NXPE4: variants seen among roughly 807,000 people sequenced by gnomAD.
NXPE4 encodes neurexophilin and PC-esterase domain family member 4.
Under a neutral mutation model 33.3 loss-of-function variants are expected in NXPE4, and 42 were observed. The ratio of observed to expected loss-of-function variants is 1.26; its 90% CI spans 0.98 to 1.63. The LOEUF is 1.63. Ranked by LOEUF, NXPE4 falls within the 40% of genes most tolerant of loss-of-function variation. The pLI is 0.00. For synonymous variants in NXPE4, 253 were observed against 234.9 expected (o/e 1.08, Z -0.71); for missense variants, 709 against 647.6 (o/e 1.09, Z -1.03).
the NXPE4 span, among the ~76,000 whole-genome samples, chr11:114,673,167 T>C: frequency 6.7e-6 from 1 of 150,272 alleles, no homozygotes; most frequent in Non-Finnish European, 1.5e-5. Context: ...AAATTGGTAA[T>C]GAAAATAAAT....
At chr11:114,619,836 G>C in the NXPE4 span, among the ~76,000 whole-genome samples, 45 of 151,414 alleles carry the variant, frequency 3.0e-4, no homozygotes, top group South Asian at 1.5e-3. Flanking sequence ...GTGTTGCCTC[G>C]TTGGTAACCA....
At chr11:114,639,375 CTT>C in the NXPE4 span, among the ~76,000 whole-genome samples, 1 of 151,346 alleles carries the variant, frequency 6.6e-6, no homozygotes. Flanking sequence ...TCTGTTACCC[CTT>C]TCTTTGATTA....
the NXPE4 span, among the ~76,000 whole-genome samples, chr11:114,602,122 A>C: frequency 1.3e-4 from 13 of 101,964 alleles, no homozygotes; most frequent in Middle Eastern, 0.013. Flanking sequence ...ATAATTATAT[A>C]TATTATACAT....
intron 4 of NXPE4, among the ~76,000 whole-genome samples, chr11:114,580,568 T>C (rs1399397925): frequency 6.6e-6 from 1 of 152,158 alleles, no homozygotes; most frequent in Non-Finnish European, 1.5e-5. Flanking sequence ...TAAGAGTATA[T>C]GTTTCTTCCC....
intron 2 of NXPE4, among the ~76,000 whole-genome samples, chr11:114,590,350 A>G (rs185134115): frequency 6.6e-6 from 1 of 152,224 alleles, no homozygotes; most frequent in Non-Finnish European, 1.5e-5. Context: ...GGACCAGAGC[A>G]TTAGGGGAAG....
At chr11:114,638,448 G>C in the NXPE4 span, among the ~76,000 whole-genome samples, 2 of 151,982 alleles carry the variant, frequency 1.3e-5, no homozygotes, top group Admixed American at 1.3e-4. Context: ...ATTGTCTGAA[G>C]CCTTCTTCTC....
chr11:114,604,270 C>T, the NXPE4 span, among the ~76,000 whole-genome samples: 1 of 151,974 alleles, frequency 6.6e-6, no homozygotes, highest in South Asian at 2.1e-4. Flanking sequence ...CCAGTGTTAC[C>T]TGCTAGATAA....
At chr11:114,600,474 T>C (rs1414677684), upstream of NXPE4, among the ~76,000 whole-genome samples, 1 of 152,142 alleles carries the variant, frequency 6.6e-6, no homozygotes, top group Non-Finnish European at 1.5e-5. Flanking sequence ...GCACATCACG[T>C]CTATGGTATT....
chr11:114,574,813 A>G (rs1955103956), intron 5 of NXPE4, among the ~76,000 whole-genome samples: 1 of 152,140 alleles, frequency 6.6e-6, no homozygotes, highest in South Asian at 2.1e-4. Flanking sequence ...AGACAGAGAA[A>G]GAGGGAATCC....
the NXPE4 span, among the ~76,000 whole-genome samples, chr11:114,663,028 A>T: frequency 3.9e-5 from 6 of 152,252 alleles, no homozygotes; most frequent in East Asian, 9.7e-4. Flanking sequence ...TGTCTCTTAT[A>T]CGGCATTTCT....
At chr11:114,633,972 A>G in the NXPE4 span, among the ~76,000 whole-genome samples, 1 of 152,004 alleles carries the variant, frequency 6.6e-6, no homozygotes, top group East Asian at 1.9e-4. Context: ...CTTTGGGTAT[A>G]TACCCAGTAA....
chr11:114,669,125 C>T, the NXPE4 span, among the ~76,000 whole-genome samples: 1 of 151,966 alleles, frequency 6.6e-6, no homozygotes, highest in African/African-American at 2.4e-5. Flanking sequence ...TGACTTCCAG[C>T]AAAAATGTGA....
chr11:114,641,825 T>G, the NXPE4 span, among the ~76,000 whole-genome samples: 3 of 152,064 alleles, frequency 2.0e-5, 1 homozygote, highest in Non-Finnish European at 4.4e-5. Flanking sequence ...ATATCACATC[T>G]GACACCAGGA....
At chr11:114,663,984 A>G in the NXPE4 span, among the ~76,000 whole-genome samples, 4 of 152,164 alleles carry the variant, frequency 2.6e-5, no homozygotes, top group African/African-American at 7.2e-5. Context: ...AAACAGTTTG[A>G]CAGTTTCTTA....
At chr11:114,619,214 G>A in the NXPE4 span, among the ~76,000 whole-genome samples, 1 of 151,858 alleles carries the variant, frequency 6.6e-6, no homozygotes, top group South Asian at 2.1e-4. Flanking sequence ...TGCCTCTAGG[G>A]TAACCACTCT....
At chr11:114,639,171 G>A in the NXPE4 span, among the ~76,000 whole-genome samples, 8 of 152,080 alleles carry the variant, frequency 5.3e-5, no homozygotes, top group African/African-American at 1.9e-4. Flanking sequence ...CTGGGCAATG[G>A]TGGGCACCCC....
At chr11:114,581,600 C>A in intron 4 of NXPE4, 125 bp downstream of exon 4, 1 of 757,248 alleles carries the variant, frequency 1.3e-6, no homozygotes, top group South Asian at 1.7e-5. Context: ...TCTTGGCCAA[C>A]CTTAGATAAG....
the NXPE4 span, among the ~76,000 whole-genome samples, chr11:114,625,787 C>A: frequency 6.6e-6 from 1 of 152,070 alleles, no homozygotes; most frequent in Non-Finnish European, 1.5e-5. Flanking sequence ...TTAGGGAGTG[C>A]CAGACAGTGG....
At chr11:114,639,730 A>G in the NXPE4 span, among the ~76,000 whole-genome samples, 2 of 126,930 alleles carry the variant, frequency 1.6e-5, no homozygotes, top group African/African-American at 2.9e-5. Context: ...ATAGTAATAT[A>G]ATATAAAATA....
Sources: allele counts gnomAD v4.1 joint callset (sites outside exome capture counted in the v4.1 genomes callset), GRCh38; gene constraint gnomAD v4.1.1; transcripts MANE v1.5; gene names NCBI Gene and HGNC (gene_info 2026-07-23, HGNC 2026-07-21).